The following WWP1 variants were observed in gnomAD, a reference collection of about 807,000 sequenced individuals.
WWP1 encodes WW domain containing E3 ubiquitin protein ligase 1, also known as NEDD4-like E3 ubiquitin-protein ligase WWP1.
In WWP1, 49 loss-of-function variants were observed where a neutral mutation model predicts 130.6. The ratio of observed to expected loss-of-function variants is 0.38; its 90% CI spans 0.30 to 0.48. The LOEUF (loss-of-function observed/expected upper bound fraction) is 0.48, where lower values mean the gene tolerates loss of function less well. Ranked by LOEUF, WWP1 falls within the 20% of genes least tolerant of loss-of-function variation. The pLI is 0.99. For synonymous variants in WWP1, 332 were observed against 367.8 expected, an observed-to-expected ratio of 0.90 and a Z score of 1.11; for missense variants, 809 against 1,100.6, an observed-to-expected ratio of 0.74 and a Z score of 3.75.
chr8:86,355,103 T>G (rs1307756567), intron 1 of WWP1, among the ~76,000 whole-genome samples: 1 of 152,184 alleles, frequency 6.6e-6, no homozygotes, highest in Non-Finnish European at 1.5e-5. Flanking sequence ...ATTACCAAAA[T>G]GTGCTCTTCT....
intron 5 of WWP1, among the ~76,000 whole-genome samples, chr8:86,390,554 C>T (rs1434738097): frequency 3.3e-5 from 5 of 152,126 alleles, no homozygotes; most frequent in Non-Finnish European, 5.9e-5. Context: ...ACCAGTCAGG[C>T]GTGGCAGCGG....
intron 8 of WWP1, among the ~76,000 whole-genome samples, chr8:86,407,265 T>A (rs1808334404): frequency 1.3e-5 from 2 of 152,178 alleles, no homozygotes; most frequent in East Asian, 3.9e-4. Context: ...CTTTTTTCGG[T>A]TTTATCTGTT....
intron 8 of WWP1, among the ~76,000 whole-genome samples, chr8:86,407,985 A>T (rs1808373121): frequency 6.6e-6 from 1 of 152,230 alleles, no homozygotes; most frequent in African/African-American, 2.4e-5. Flanking sequence ...AGAAATGCAT[A>T]TCGTCATGTA....
In WWP1 at chr8:86,445,654, T is replaced by C. The variant is rs564920949; in HGVS notation, c.1999-2494T>C. 3.6e-3 allele frequency among the ~76,000 whole-genome samples: 550 copies of C among 152,312 alleles called. 5 individuals are homozygous for C. Among genetic ancestry groups the C allele is most frequent in the Non-Finnish European group, 6.6e-3 (449 of 68,038 alleles). Reference sequence around the variant, plus strand: ...TGTCCTTTGGTAGCACAATTTATTTTCCTCTGGATATCTATACCCAGTAAT... The same window carrying C: ...TGTCCTTTGGTAGCACAATTTATTTCCCTCTGGATATCTATACCCAGTAAT... On this transcript the variant is annotated intron_variant, in intron 18 of 24. Coordinates refer to ENST00000517970, the MANE Select transcript of WWP1 (RefSeq NM_007013.4).
chr8:86,378,892 T>C (rs1382083819), intron 3 of WWP1, among the ~76,000 whole-genome samples: 5 of 152,190 alleles, frequency 3.3e-5, no homozygotes, highest in Admixed American at 3.3e-4. Flanking sequence ...TTGATGGTGA[T>C]AGTGCCTTGC....
rs35346142 is a variant in WWP1, at chr8:86,405,326, A to ATT, written c.724+3143_724+3144dup. On this transcript the variant is annotated intron_variant, in intron 8 of 24. Transcript: ENST00000517970. ...TCTTGAAATCTCTGAAACCAAAAGG[A>ATT]TTTTTTTTTTTTTTTTTTTTTGGTA... is the stretch of plus-strand genomic sequence containing the variant. Among the ~76,000 whole-genome samples the ATT allele has an allele frequency of 4.0e-4, 51 of 128,904 alleles. No individual in the cohort carries two copies. The South Asian group carries it at 7.1e-3, about 18-fold the overall frequency. 84.6% of individuals were successfully genotyped at this position (128,904 alleles called of 152,430 possible).
At chr8:86,466,049 G>A (rs1812090973) in intron 24 of WWP1, among the ~76,000 whole-genome samples, 1 of 152,066 alleles carries the variant, frequency 6.6e-6, no homozygotes, top group Admixed American at 6.5e-5. Context: ...ACTTACTCAG[G>A]GCTATCTCAC....
chr8:86,440,202 C>T (rs1308274156), intron 17 of WWP1, among the ~76,000 whole-genome samples: 1 of 152,042 alleles, frequency 6.6e-6, no homozygotes, highest in Non-Finnish European at 1.5e-5. Context: ...CTTATCTGAG[C>T]CCTTATTTGC....
chr8:86,397,366 TG>T (rs1807735503), intron 5 of WWP1, among the ~76,000 whole-genome samples: 1 of 152,244 alleles, frequency 6.6e-6, no homozygotes, highest in Non-Finnish European at 1.5e-5. Flanking sequence ...TTATGGGGTA[TG>T]GAGTGATGTT....
chr8:86,353,820 CTT>C (rs2130132775), intron 1 of WWP1, among the ~76,000 whole-genome samples: 1 of 152,272 alleles, frequency 6.6e-6, no homozygotes, highest in Non-Finnish European at 1.5e-5. Flanking sequence ...TTCACTGTCT[CTT>C]TGAGCCCTTT....
intron 9 of WWP1, among the ~76,000 whole-genome samples, chr8:86,419,244 C>T (rs1809061072): frequency 6.6e-6 from 1 of 152,050 alleles, no homozygotes; most frequent in Non-Finnish European, 1.5e-5. Context: ...ATGGTAAAAC[C>T]CTGTCTCTAC....
intron 16 of WWP1, 102 bp from the exon 17 acceptor site, chr8:86,438,483 G>A (rs1424584844): frequency 2.3e-5 from 20 of 868,510 alleles, no homozygotes; most frequent in Non-Finnish European, 3.2e-5. Flanking sequence ...TATAAGATAA[G>A]GAAATGTGTT....
At chr8:86,351,781 G>A (rs1424401190) in intron 1 of WWP1, among the ~76,000 whole-genome samples, 1 of 152,138 alleles carries the variant, frequency 6.6e-6, no homozygotes, top group East Asian at 1.9e-4. Context: ...ATATTGTATT[G>A]ACCAGTGTTT....
chr8:86,465,005 C>T (rs1175196576), intron 24 of WWP1, among the ~76,000 whole-genome samples: 1 of 152,034 alleles, frequency 6.6e-6, no homozygotes, highest in Non-Finnish European at 1.5e-5. Context: ...AAAGTAATTA[C>T]CACCCACTGA....
intron 10 of WWP1, among the ~76,000 whole-genome samples, chr8:86,426,442 G>T (rs1442292893): frequency 6.6e-6 from 1 of 152,190 alleles, no homozygotes; most frequent in Non-Finnish European, 1.5e-5. Context: ...TGGTTTAATA[G>T]ATCCTACATG....
At chr8:86,372,211 A>T (rs1461181869) in intron 2 of WWP1, among the ~76,000 whole-genome samples, 1 of 150,532 alleles carries the variant, frequency 6.6e-6, no homozygotes, top group African/African-American at 2.4e-5. Flanking sequence ...TTTAGTAGAG[A>T]CGGGGTTTCA....
chr8:86,424,830 G>C (rs1479693487), intron 9 of WWP1, among the ~76,000 whole-genome samples: 4 of 111,724 alleles, frequency 3.6e-5, no homozygotes, highest in Non-Finnish European at 7.4e-5. Context: ...GGGAGAGGGA[G>C]AGGGAGGGGG....
intron 7 of WWP1, among the ~76,000 whole-genome samples, chr8:86,398,906 A>G (rs1807821879): frequency 6.6e-6 from 1 of 152,128 alleles, no homozygotes; most frequent in Non-Finnish European, 1.5e-5. Flanking sequence ...TACCTTCTCT[A>G]CTGTCTGATT....
At chr8:86,413,326 T>C (rs934943227) in intron 9 of WWP1, among the ~76,000 whole-genome samples, 2 of 152,150 alleles carry the variant, frequency 1.3e-5, no homozygotes, top group African/African-American at 4.8e-5. Context: ...CATGTGCCAG[T>C]CACTGTGGCA....
Sources: allele counts gnomAD v4.1 joint callset (sites outside exome capture counted in the v4.1 genomes callset), GRCh38; gene constraint gnomAD v4.1.1; transcripts MANE v1.5; gene names NCBI Gene and HGNC (gene_info 2026-07-23, HGNC 2026-07-21).